The following ANKH variants were observed in gnomAD, a reference collection of about 807,000 sequenced individuals.
The protein encoded by ANKH is mineralization regulator ANKH.
In ANKH, 15 loss-of-function variants were observed where a neutral mutation model predicts 49.0. The ratio of observed to expected loss-of-function variants is 0.31; its 90% CI spans 0.20 to 0.47. The LOEUF (loss-of-function observed/expected upper bound fraction) is 0.47. Among genes scored for constraint, ANKH ranks in the 20% least tolerant of loss-of-function variants. ANKH has a pLI of 1.00. For missense variants in ANKH, 429 were observed against 652.0 expected (o/e 0.66, Z 3.72); for synonymous variants, 273 against 260.0 (o/e 1.05, Z -0.48).
rs370206735 is a variant in ANKH, at chr5:14,751,065, G to A, written c.687+4C>T. ...ACAGACTGCTGTTGGGTTGGTAGAC[G>A]TACCCCCAGCTCCGGGCCACTTCTG... On this transcript the variant is annotated splice_donor_region_variant and intron_variant, in intron 5 of 11. Coordinates refer to ENST00000284268, the MANE Select transcript of ANKH (RefSeq NM_054027.6). 64 of 1,614,114 alleles carry A rather than the reference G, an allele frequency of 4.0e-5. 1 individual carries two copies. The South Asian group carries it at 4.7e-4, about 12-fold the overall frequency.
rs995412096 is a variant in ANKH, at chr5:14,737,414, C to T, written c.1011+4413G>A. Among the ~76,000 whole-genome samples the T allele has an allele frequency of 6.6e-6, 1 of 152,234 alleles. No homozygotes were observed. Among genetic ancestry groups the T allele is most frequent in the African/African-American group, 2.4e-5 (1 of 41,458 alleles). ...AAGAGGAAGGACTGTGGTGCCTGCT[C>T]CTCTCTTGTGAGCTCACTGCTGCCT... On this transcript the variant is annotated intron_variant, in intron 8 of 11. Transcript: ENST00000284268. The surrounding 1 kb of genome is among the most constrained non-coding windows in gnomAD (Gnocchi z 5.0).
At chr5:14,764,010 C>G (rs966314160) in intron 2 of ANKH, among the ~76,000 whole-genome samples, 1 of 151,736 alleles carries the variant, frequency 6.6e-6, no homozygotes. Context: ...AATGCCTGAG[C>G]CTGGGAGGCG....
At chr5:14,752,186 C>T (rs1206430094) in intron 4 of ANKH, among the ~76,000 whole-genome samples, 2 of 152,010 alleles carry the variant, frequency 1.3e-5, no homozygotes, top group Non-Finnish European at 2.9e-5. Flanking sequence ...GGTGCACACC[C>T]GTAGTCCTAG....
At chr5:14,759,935 ACAG>A (rs1386904885) in intron 2 of ANKH, among the ~76,000 whole-genome samples, 1 of 152,194 alleles carries the variant, frequency 6.6e-6, no homozygotes. Context: ...GAGTGTTTTA[ACAG>A]TAGGTGTGCC....
intron 1 of ANKH, among the ~76,000 whole-genome samples, chr5:14,845,245 C>T (rs771634759): frequency 1.9e-4 from 29 of 151,924 alleles, no homozygotes; most frequent in African/African-American, 3.6e-4. Flanking sequence ...GGATGAATAA[C>T]GAGTCCAGAA....
At chr5:14,785,283 G>A (rs554849079) in intron 1 of ANKH, among the ~76,000 whole-genome samples, 64 of 152,306 alleles carry the variant, frequency 4.2e-4, no homozygotes, top group African/African-American at 1.5e-3. Context: ...TCCCAGTGTG[G>A]GAGCTGAGGC....
chr5:14,832,280 AG>A (rs1157079376), intron 1 of ANKH, among the ~76,000 whole-genome samples: 1 of 152,258 alleles, frequency 6.6e-6, no homozygotes, highest in African/African-American at 2.4e-5. Flanking sequence ...TTGCTGCCAC[AG>A]ACAAAAATTT....
At chr5:14,843,467 C>T (rs756722647) in intron 1 of ANKH, among the ~76,000 whole-genome samples, 22 of 149,346 alleles carry the variant, frequency 1.5e-4, no homozygotes, top group Non-Finnish European at 2.8e-4. Flanking sequence ...TGAGCCACCA[C>T]GCCTGGCCAG....
intron 7 of ANKH, 99 bp from the exon 8 acceptor site, chr5:14,742,021 G>A (rs1419193091): frequency 1.3e-5 from 12 of 911,644 alleles, no homozygotes; most frequent in Non-Finnish European, 2.2e-5. Flanking sequence ...TTTATCTGAT[G>A]TGTCTGAATT....
intron 6 of ANKH, among the ~76,000 whole-genome samples, chr5:14,748,342 G>A (rs1253067457): frequency 1.3e-5 from 2 of 152,214 alleles, no homozygotes; most frequent in Admixed American, 6.5e-5. Context: ...AAACTGGCAG[G>A]CACTCTGGCT....
chr5:14,738,577 C>T (rs1250010606), intron 8 of ANKH, among the ~76,000 whole-genome samples: 5 of 152,106 alleles, frequency 3.3e-5, no homozygotes, highest in African/African-American at 9.7e-5. Flanking sequence ...TGCTCTCAAG[C>T]GTTTCAATGA....
chr5:14,805,483 GAT>G (rs1740682709), intron 1 of ANKH, among the ~76,000 whole-genome samples: 1 of 106,628 alleles, frequency 9.4e-6, no homozygotes, highest in Non-Finnish European at 1.9e-5. Context: ...ATGTTTATAG[GAT>G]ACACACACAC....
intron 1 of ANKH, among the ~76,000 whole-genome samples, chr5:14,841,648 T>C (rs1417723196): frequency 2.0e-5 from 3 of 152,188 alleles, no homozygotes; most frequent in African/African-American, 4.8e-5. Flanking sequence ...TCCATTCACA[T>C]TGTTGGGCAA....
At chr5:14,751,388 C>T in intron 4 of ANKH, 149 bp from the exon 5 acceptor site, 1 of 748,364 alleles carries the variant, frequency 1.3e-6, no homozygotes, top group South Asian at 1.6e-5. Context: ...GATGATGACC[C>T]AATGTCGCTC....
chr5:14,751,107 G>C lies in ANKH; in HGVS notation c.649C>G (p.His217Asp), dbSNP rs1221824378. The change falls in exon 5 of 12, where the codon CAC (histidine) becomes GAC (aspartate). Residue 217 changes from histidine (H) to aspartate (D), a missense_variant. Physicochemically the swap from His to Asp is moderately conservative, Grantham distance 81. This residue lies in a region of ANKH where 378 missense variants were observed against 615.3 expected (regional missense o/e 0.61). Transcript: ENST00000284268. ...CCACTTCTGTCAGGGATGATGTCGT[G>C]AATGTTCTTGTAGTAGCCCAGGCAC... ...TLCLGYYKNI[H>D]DIIPDRSGPE... 6.2e-7 allele frequency: 1 copy of C among 1,614,136 alleles called. No homozygotes were observed. Among genetic ancestry groups the C allele is most frequent in the Admixed American group, 1.7e-5 (1 of 60,010 alleles).
intron 1 of ANKH, among the ~76,000 whole-genome samples, chr5:14,842,268 T>C (rs990816974): frequency 6.6e-6 from 1 of 152,136 alleles, no homozygotes; most frequent in Non-Finnish European, 1.5e-5. Context: ...TTGCCAATCA[T>C]TTCTGCACCT....
rs780551916 is a variant in ANKH at position 14,711,288 on chromosome 5, G to A, written c.1388C>T (p.Ser463Leu). Residue 463 changes from serine to leucine, a missense_variant, in exon 12 of 12, where the codon TCG (serine) becomes TTG (leucine). This residue lies in a region of ANKH where 378 missense variants were observed against 615.3 expected (regional missense o/e 0.61). Transcript: ENST00000284268. Reference protein sequence around the residue: ...RKQKKKMENESATEGEDSAMT... With the variant: ...RKQKKKMENELATEGEDSAMT... ...GGCAGAGTCTTCCCCCTCCGTGGCC[G>A]ACTCATTCTCCATCTTCTTTTTCTA... 19 of 1,613,936 alleles carry A rather than the reference G, an allele frequency of 1.2e-5. No individual in the cohort carries two copies. The highest frequency in any genetic ancestry group is 1.7e-5 in the Admixed American group (1 of 59,988).
At chr5:14,853,526 G>A (rs4702058) in intron 1 of ANKH, among the ~76,000 whole-genome samples, 69,112 of 151,698 alleles carry the variant, frequency 0.46, 15,839 homozygotes, top group Admixed American at 0.52. Context: ...GCAGTGAGCT[G>A]AGATTGTGCC....
chr5:14,719,800 T>C (rs1318560871), intron 8 of ANKH, among the ~76,000 whole-genome samples: 1 of 152,164 alleles, frequency 6.6e-6, no homozygotes, highest in Non-Finnish European at 1.5e-5. Context: ...GCTGGGGACA[T>C]GGCTACTGTG....
Sources: allele counts gnomAD v4.1 joint callset (sites outside exome capture counted in the v4.1 genomes callset), GRCh38; gene constraint gnomAD v4.1.1; regional missense constraint gnomAD v4.1.1; non-coding constraint Gnocchi (gnomAD v3.1); transcripts MANE v1.5; gene names NCBI Gene and HGNC (gene_info 2026-07-23, HGNC 2026-07-21).